PTPRG: variants seen among roughly 807,000 people sequenced by gnomAD.
PTPRG encodes protein tyrosine phosphatase receptor type G, also known as receptor-type tyrosine-protein phosphatase gamma.
Under a neutral mutation model 165.3 loss-of-function variants are expected in PTPRG, and 102 were observed. The observed-to-expected ratio is 0.62, with a 90% CI of 0.53 to 0.73. The LOEUF is 0.73. PTPRG is among the 30% of genes least tolerant of loss of function. The pLI is 0.00. For missense variants in PTPRG, 1,866 were observed against 1,861.4 expected (o/e 1.00, Z -0.05); for synonymous variants, 675 against 669.5 (o/e 1.01, Z -0.13).
intron 2 of PTPRG, among the ~76,000 whole-genome samples, chr3:61,870,940 GTTAC>G (rs1431014121): frequency 1.3e-5 from 2 of 152,098 alleles, no homozygotes; most frequent in African/African-American, 2.4e-5. Flanking sequence ...GGTAGAGTGA[GTTAC>G]TTACAGATGA....
intron 1 of PTPRG, among the ~76,000 whole-genome samples, chr3:61,570,260 CTT>C (rs11306926): frequency 1.2e-4 from 17 of 147,228 alleles, no homozygotes; most frequent in Non-Finnish European, 7.5e-5. Context: ...CTAATCTTTT[CTT>C]TTTTTTTTTT....
At chr3:61,579,734 C>CT (rs1410476703) in intron 1 of PTPRG, among the ~76,000 whole-genome samples, 1 of 152,198 alleles carries the variant, frequency 6.6e-6, no homozygotes, top group Non-Finnish European at 1.5e-5. Flanking sequence ...ATTTTGGGTA[C>CT]TTTAAGAGCT....
intron 1 of PTPRG, among the ~76,000 whole-genome samples, chr3:61,652,912 C>G (rs1016988241): frequency 3.3e-5 from 5 of 152,176 alleles, no homozygotes; most frequent in African/African-American, 1.2e-4. Flanking sequence ...GGTGAAGGGT[C>G]AGAAGCCTGT....
chr3:61,888,199 T>TTGTGTGTG lies in PTPRG; in HGVS notation c.191-101410_191-101403dup, dbSNP rs58409759. 3.3e-5 allele frequency among the ~76,000 whole-genome samples: 5 copies of TTGTGTGTG among 150,248 alleles called. No individual in the cohort carries two copies. The East Asian group carries it at 7.8e-4, about 23-fold the overall frequency. On this transcript the variant is annotated intron_variant, in intron 2 of 29. Transcript: ENST00000474889. ...TCTAGTTTCACTAATTTTTAAATCT[T>TTGTGTGTG]TGTGTGTGTGTGTGTGTGTGTGTCT...
At chr3:61,567,033 A>G (rs9865903) in intron 1 of PTPRG, among the ~76,000 whole-genome samples, 10,343 of 152,252 alleles carry the variant, frequency 0.068, 432 homozygotes, top group African/African-American at 0.11. Context: ...GGGCATCTGA[A>G]GTTCCCTCTA....
At chr3:61,848,849 C>A (rs1244960597) in intron 2 of PTPRG, among the ~76,000 whole-genome samples, 1 of 152,152 alleles carries the variant, frequency 6.6e-6, no homozygotes, top group Non-Finnish European at 1.5e-5. Context: ...TTGTTTTATT[C>A]CTTACAATAA....
At chr3:61,663,796 C>T (rs540056529) in intron 1 of PTPRG, among the ~76,000 whole-genome samples, 11 of 152,236 alleles carry the variant, frequency 7.2e-5, no homozygotes, top group South Asian at 2.1e-4. Flanking sequence ...AGATCCCTCA[C>T]GTGCACAGCC....
Position 62,156,545 on chromosome 3 carries a change from T to C in PTPRG, c.683-522T>C, listed in dbSNP as rs972380453. Among the ~76,000 whole-genome samples, 9 of 152,340 alleles carry C rather than the reference T, an allele frequency of 5.9e-5. No individual in the cohort carries two copies. In the East Asian group the frequency reaches 1.2e-3, roughly 20 times the overall value. On this transcript the variant is annotated intron_variant, in intron 6 of 29. Coordinates refer to ENST00000474889, the MANE Select transcript of PTPRG (RefSeq NM_002841.4). ...GGAGAGGACTTGGGTGAAACCATAA[T>C]GAAATGTAGCCAGCTTTGGAATTGC...
At chr3:62,243,954 TCA>T in intron 15 of PTPRG, 56 bp downstream of exon 15, 1 of 1,115,734 alleles carries the variant, frequency 9.0e-7, no homozygotes, top group Non-Finnish European at 1.3e-6. Flanking sequence ...TCTTTTATTC[TCA>T]GTTTTATGTG....
At chr3:61,716,988 TA>T in intron 1 of PTPRG, among the ~76,000 whole-genome samples, 1 of 152,192 alleles carries the variant, frequency 6.6e-6, no homozygotes, top group East Asian at 1.9e-4. Flanking sequence ...AAATAAAAAA[TA>T]AAAATTCCCA....
At chr3:61,767,811 GA>G (rs145163359) in intron 2 of PTPRG, among the ~76,000 whole-genome samples, 92 of 147,280 alleles carry the variant, frequency 6.2e-4, no homozygotes, top group African/African-American at 2.0e-3. Context: ...TGTACCAAAG[GA>G]AAAAAAAAAT....
At chr3:61,656,947 A>G (rs980155586) in intron 1 of PTPRG, among the ~76,000 whole-genome samples, 8 of 152,152 alleles carry the variant, frequency 5.3e-5, no homozygotes, top group African/African-American at 1.9e-4. Context: ...TGTAGGGGAG[A>G]GAAGATTCCT....
intron 1 of PTPRG, among the ~76,000 whole-genome samples, chr3:61,688,827 A>T (rs2029956476): frequency 6.6e-6 from 1 of 152,212 alleles, no homozygotes; most frequent in African/African-American, 2.4e-5. Context: ...GCCTTGTGTG[A>T]GCCTTGTCAG....
At chr3:61,570,260 C>CT (rs11306926) in intron 1 of PTPRG, among the ~76,000 whole-genome samples, 2,012 of 147,142 alleles carry the variant, frequency 0.014, 15 homozygotes, top group African/African-American at 0.03. Context: ...CTAATCTTTT[C>CT]TTTTTTTTTT....
At chr3:61,870,437 C>T (rs991800595) in intron 2 of PTPRG, among the ~76,000 whole-genome samples, 6 of 142,078 alleles carry the variant, frequency 4.2e-5, no homozygotes, top group African/African-American at 1.1e-4. Flanking sequence ...CTCAGCCTCC[C>T]GAGTAGCTGG....
At chr3:62,193,432 A>G (rs1699886635) in intron 9 of PTPRG, among the ~76,000 whole-genome samples, 1 of 152,176 alleles carries the variant, frequency 6.6e-6, no homozygotes, top group South Asian at 2.1e-4. Context: ...AGGGCTGGTT[A>G]TTTTCTTTGG....
intron 2 of PTPRG, among the ~76,000 whole-genome samples, chr3:61,974,695 C>T (rs2040462963): frequency 1.3e-5 from 2 of 152,204 alleles, no homozygotes; most frequent in South Asian, 4.1e-4. Flanking sequence ...CACCTAAAAA[C>T]ATATGATTCT....
At chr3:61,842,204 C>T (rs140714445) in intron 2 of PTPRG, among the ~76,000 whole-genome samples, 39 of 152,322 alleles carry the variant, frequency 2.6e-4, no homozygotes, top group Non-Finnish European at 4.7e-4. Context: ...TTAGCAACCT[C>T]CTCCTTCAAA....
intron 2 of PTPRG, among the ~76,000 whole-genome samples, chr3:61,896,360 A>T (rs2038354009): frequency 6.6e-6 from 1 of 152,124 alleles, no homozygotes. Context: ...ATTCTCGGGA[A>T]CTCATCCATT....
Sources: allele counts gnomAD v4.1 joint callset (sites outside exome capture counted in the v4.1 genomes callset), GRCh38; gene constraint gnomAD v4.1.1; transcripts MANE v1.5; gene names NCBI Gene and HGNC (gene_info 2026-07-23, HGNC 2026-07-21).